The following ZNF44 variants were observed in gnomAD, a reference collection of about 807,000 sequenced individuals.
The protein encoded by ZNF44 is gonadotropin inducible transcription repressor-2.
In ZNF44, 9 loss-of-function variants were observed where a neutral mutation model predicts 11.7. That is an observed-to-expected ratio of 0.77 (90% confidence interval 0.46 to 1.35). The LOEUF (loss-of-function observed/expected upper bound fraction) is 1.35. Ranked by LOEUF, ZNF44 falls within the 40% of genes most tolerant of loss-of-function variation. The pLI is 0.00. For synonymous variants in ZNF44, 224 were observed against 242.7 expected (o/e 0.92, Z 0.72); for missense variants, 696 against 743.1 (o/e 0.94, Z 0.74).
chr19:12,284,589 G>T, intron 1 of ZNF44: 1 of 716,058 alleles, frequency 1.4e-6, no homozygotes. Context: ...TGAGATCATT[G>T]ACTTGTTCCT....
At chr19:12,255,284 G>T (rs1917199952) in intron 5 of ZNF44, among the ~76,000 whole-genome samples, 1 of 151,180 alleles carries the variant, frequency 6.6e-6, no homozygotes, top group African/African-American at 2.4e-5. Context: ...GTAAGCAAAA[G>T]AAAAGAAATT....
chr19:12,291,358 A>C, intron 1 of ZNF44: 1 of 402,462 alleles, frequency 2.5e-6, no homozygotes, highest in East Asian at 7.3e-5. Context: ...AAAATGGAAG[A>C]GTTTTCCCAA....
At chr19:12,234,281 A>T (rs757610758) in intron 2 of ZNF44, among the ~76,000 whole-genome samples, 1 of 152,176 alleles carries the variant, frequency 6.6e-6, no homozygotes, top group Non-Finnish European at 1.5e-5. Flanking sequence ...CCTGTGAAGT[A>T]TGTTATAAAT....
At chr19:12,284,204 G>T in intron 1 of ZNF44, 1 of 253,112 alleles carries the variant, frequency 4.0e-6, no homozygotes, top group Non-Finnish European at 7.6e-6. Flanking sequence ...GCCCACAAAG[G>T]CGGTATGTTC....
chr19:12,272,495 G>A lies in ZNF44; in HGVS notation c.1760C>T (p.Pro587Leu). 1.2e-6 allele frequency: 2 copies of A among 1,611,440 alleles called. No individual in the cohort carries two copies. The highest frequency in any genetic ancestry group is 3.4e-5 in the Admixed American group (2 of 59,168). Residue 587 changes from proline (P) to leucine (L), a missense_variant, in exon 4 of 4, where the codon CCC (proline) becomes CTC (leucine). Pro to Leu is a moderately conservative substitution (Grantham distance 98). Transcript: ENST00000355684. ...TTTCCCACATTCCTTACATTCATAG[G>A]GCTTCTCTCCAGTGTGAGTTCTTTC... Reference protein sequence around the residue: ...EHERTHTGEKPYECKECGKAF... With the variant: ...EHERTHTGEKLYECKECGKAF...
intron 5 of ZNF44, among the ~76,000 whole-genome samples, chr19:12,255,880 T>C (rs1257731227): frequency 6.6e-6 from 1 of 151,506 alleles, no homozygotes; most frequent in African/African-American, 2.4e-5. Flanking sequence ...CTACTAAAAA[T>C]ACAAAATTAG....
At chr19:12,260,149 G>A (rs906703247) in intron 5 of ZNF44, 21 of 750,716 alleles carry the variant, frequency 2.8e-5, no homozygotes, top group Non-Finnish European at 5.2e-5. Context: ...TGCAATGGAT[G>A]GTCGTGCAGA....
chr19:12,251,778 G>A (rs898855709), intron 5 of ZNF44, among the ~76,000 whole-genome samples: 2 of 152,048 alleles, frequency 1.3e-5, no homozygotes, highest in Non-Finnish European at 2.9e-5. Flanking sequence ...CAGGCCAGGC[G>A]CGTTGGCTCA....
rs55971577 is a variant in ZNF44, at chr19:12,288,774, GTATATA to G, written c.3+5912_3+5917del. Among the ~76,000 whole-genome samples the G allele has an allele frequency of 4.5e-3, 348 of 76,712 alleles. 16 individuals are homozygous for G. The highest frequency in any genetic ancestry group is 0.023 in the East Asian group (61 of 2,682). The allele number at this position is 76,712 out of a possible 152,430, so 50.3% of individuals were successfully genotyped here. Reference sequence around the variant, plus strand: ...CTCCGTCTCAAAAAAAAAAAAAAATGTATATATATATATATATATATATATATATAT... The same window carrying G: ...CTCCGTCTCAAAAAAAAAAAAAAATGTATATATATATATATATATATATAT... On this transcript the variant is annotated intron_variant, in intron 1 of 3. Coordinates refer to ENST00000355684, the MANE Select transcript of ZNF44 (RefSeq NM_016264.4).
intron 1 of ZNF44, among the ~76,000 whole-genome samples, chr19:12,286,126 TAAAG>T (rs1477627901): frequency 3.3e-5 from 5 of 152,152 alleles, no homozygotes; most frequent in Admixed American, 6.5e-5. Context: ...TTGAGGCAAA[TAAAG>T]AAAACAAAAA....
chr19:12,239,785 G>A (rs1916548443), upstream of ZNF44, among the ~76,000 whole-genome samples: 1 of 151,422 alleles, frequency 6.6e-6, no homozygotes, highest in South Asian at 2.1e-4. Context: ...TGTTGGCCAA[G>A]CTGGTCTTGG....
rs770035951 is a variant in ZNF44 at position 12,250,395 on chromosome 19, G to A, written c.1913-27C>T. 6.0e-6 allele frequency: 8 copies of A among 1,335,556 alleles called. No individual in the cohort carries two copies. The South Asian group carries it at 9.6e-5, about 16-fold the overall frequency. 82.7% of individuals were successfully genotyped at this position (1,335,556 alleles called of 1,614,324 possible). A position where few individuals can be genotyped will look rare whatever the true frequency, so the allele number is the denominator to read the frequency against. On this transcript the variant is annotated intron_variant and NMD_transcript_variant, in intron 5 of 7. Transcript: ENST00000393337. ...TAAAACATTCCAAATGTGTGTAAAG[G>A]AGAATGGGTGAGACTGACAGCACTG...
chr19:12,247,320 C>A, downstream of ZNF44: 1 of 1,281,344 alleles, frequency 7.8e-7, no homozygotes, highest in Non-Finnish European at 1.0e-6. Context: ...TAAGGATGCA[C>A]GCCAAATGAA....
rs1392154896 is a variant in ZNF44 at position 12,232,206 on chromosome 19, C to T, written n.381-1691G>A. ...TGCTGCCCGCATGTCCCACCTCCAGCCTTAAGGCGGTTTTTCCCTATCTCA... is the reference window on the plus strand; with the variant it reads ...TGCTGCCCGCATGTCCCACCTCCAGTCTTAAGGCGGTTTTTCCCTATCTCA... On this transcript the variant is annotated intron_variant and non_coding_transcript_variant, in intron 2 of 3. Coordinates refer to the ZNF44 transcript ENST00000597563. 2.6e-5 allele frequency among the ~76,000 whole-genome samples: 4 copies of T among 152,242 alleles called. No individual in the cohort carries two copies. The East Asian group carries it at 5.8e-4, about 22-fold the overall frequency.
chr19:12,287,329 C>T lies in ZNF44; in HGVS notation c.3+7363G>A, dbSNP rs372926090. ...TCCTGGGTTCAAGGGATTCTCCTGCCTCAGCCTCCCGAGTAGCTGGGACTA... is the reference window on the plus strand; with the variant it reads ...TCCTGGGTTCAAGGGATTCTCCTGCTTCAGCCTCCCGAGTAGCTGGGACTA... On this transcript the variant is annotated intron_variant, in intron 1 of 3. Transcript: ENST00000355684. Among the ~76,000 whole-genome samples the T allele has an allele frequency of 5.3e-5, 8 of 152,220 alleles. No homozygotes were observed. In the East Asian group the frequency reaches 1.5e-3, roughly 29 times the overall value.
At chr19:12,232,750 C>G (rs1205940876) in intron 2 of ZNF44, among the ~76,000 whole-genome samples, 2 of 152,188 alleles carry the variant, frequency 1.3e-5, no homozygotes, top group Non-Finnish European at 2.9e-5. Context: ...TCTTTCTACA[C>G]AGACACAGCA....
At chr19:12,235,416 A>G (rs1159962918) in intron 1 of ZNF44, among the ~76,000 whole-genome samples, 1 of 152,174 alleles carries the variant, frequency 6.6e-6, no homozygotes, top group Non-Finnish European at 1.5e-5. Flanking sequence ...CCAGTTCACT[A>G]CAATCTTTCT....
chr19:12,249,909 T>C, intron 7 of ZNF44: 1 of 1,058,844 alleles, frequency 9.4e-7, no homozygotes, highest in Non-Finnish European at 1.2e-6. Flanking sequence ...GTTTCTTTAA[T>C]TATCAAATTT....
At chr19:12,276,930 G>C (rs990003374) in intron 1 of ZNF44, among the ~76,000 whole-genome samples, 7 of 152,160 alleles carry the variant, frequency 4.6e-5, no homozygotes, top group Non-Finnish European at 8.8e-5. Flanking sequence ...GGACTCTACA[G>C]AGTCCCCATC....
Sources: allele counts gnomAD v4.1 joint callset (sites outside exome capture counted in the v4.1 genomes callset), GRCh38; gene constraint gnomAD v4.1.1; transcripts MANE v1.5; gene names NCBI Gene and HGNC (gene_info 2026-07-23, HGNC 2026-07-21).